The following EPHA4 variants were observed in gnomAD, a reference collection of about 807,000 sequenced individuals.
EPHA4 encodes the protein EPH receptor A4, also known as ephrin type-A receptor 4.
A neutral mutation model predicts 108.3 loss-of-function variants in EPHA4; 19 were observed. The ratio of observed to expected loss-of-function variants is 0.18; its 90% CI spans 0.12 to 0.26. EPHA4 has a LOEUF of 0.26. EPHA4 is among the 10% of genes least tolerant of loss of function. The pLI is 1.00. For synonymous variants in EPHA4, 449 were observed against 455.5 expected, an observed-to-expected ratio of 0.99 and a Z score of 0.18; for missense variants, 917 against 1,254.0, an observed-to-expected ratio of 0.73 and a Z score of 4.06.
At chr2:221,548,590 T>C (rs899090476) in intron 3 of EPHA4, among the ~76,000 whole-genome samples, 2 of 152,066 alleles carry the variant, frequency 1.3e-5, no homozygotes, top group Non-Finnish European at 2.9e-5. Context: ...TCTTTCTTTA[T>C]AGCAATACAA....
In EPHA4 at chr2:221,524,733, C is replaced by T. The variant is rs975115306; in HGVS notation, c.824-23561G>A. On this transcript the variant is annotated intron_variant, in intron 3 of 17. Coordinates refer to ENST00000281821, the MANE Select transcript of EPHA4 (RefSeq NM_004438.5). ...AGATACAACATATAAAAACATCTCA[C>T]GTCTCCATTTACATTACTAAACACC... Among the ~76,000 whole-genome samples, 6 of 152,158 alleles carry T rather than the reference C, an allele frequency of 3.9e-5. No homozygotes were observed. In the East Asian group the frequency reaches 7.7e-4, roughly 20 times the overall value.
chr2:221,572,405 C>A (rs928063202), upstream of EPHA4: 1 of 488,402 alleles, frequency 2.0e-6, no homozygotes, highest in South Asian at 2.2e-5. Flanking sequence ...GCGGCGCAGA[C>A]AGGGCGGCCG....
intron 4 of EPHA4, among the ~76,000 whole-genome samples, chr2:221,495,349 G>A (rs1235192413): frequency 6.6e-6 from 1 of 152,194 alleles, no homozygotes; most frequent in Non-Finnish European, 1.5e-5. Context: ...CCTGACAGCC[G>A]TGGGGCTGGG....
chr2:221,434,973 T>TC, intron 13 of EPHA4, among the ~76,000 whole-genome samples: 1 of 152,340 alleles, frequency 6.6e-6, no homozygotes, highest in South Asian at 2.1e-4. Flanking sequence ...CACTTTTTTT[T>TC]CTGCCTCAAA....
At chr2:221,443,455 A>G in intron 10 of EPHA4, 38 bp downstream of exon 10, 1 of 1,467,810 alleles carries the variant, frequency 6.8e-7, no homozygotes, top group Non-Finnish European at 9.5e-7. Context: ...TCCACCAAGA[A>G]AACAGACTCA....
chr2:221,489,288 G>A (rs939232433), intron 4 of EPHA4, among the ~76,000 whole-genome samples: 1 of 152,202 alleles, frequency 6.6e-6, no homozygotes, highest in Non-Finnish European at 1.5e-5. Flanking sequence ...CTGCCAAAGG[G>A]CTTAAATATA....
At chr2:221,459,032 A>G (rs1489685464) in intron 5 of EPHA4, among the ~76,000 whole-genome samples, 4 of 152,188 alleles carry the variant, frequency 2.6e-5, no homozygotes, top group Non-Finnish European at 5.9e-5. Flanking sequence ...CCCTTTTGCA[A>G]TACATGCGTA....
chr2:221,510,179 T>C (rs1321516478), intron 3 of EPHA4, among the ~76,000 whole-genome samples: 1 of 152,268 alleles, frequency 6.6e-6, no homozygotes, highest in African/African-American at 2.4e-5. Context: ...TCTAAAACAC[T>C]ATGGGATAAC....
At chr2:221,516,307 A>G (rs1156982440) in intron 3 of EPHA4, among the ~76,000 whole-genome samples, 2 of 152,136 alleles carry the variant, frequency 1.3e-5, no homozygotes, top group Non-Finnish European at 2.9e-5. Context: ...TTAATCCTCA[A>G]AAATTCCAAG....
chr2:221,561,506 G>A (rs962092818), intron 3 of EPHA4, among the ~76,000 whole-genome samples: 5 of 152,028 alleles, frequency 3.3e-5, no homozygotes, highest in Admixed American at 6.6e-5. Context: ...TCTCAAAAAC[G>A]ACTCAATCCA....
At chr2:221,498,779 A>AT (rs796093987) in intron 4 of EPHA4, among the ~76,000 whole-genome samples, 2,358 of 120,450 alleles carry the variant, frequency 0.02, 58 homozygotes, top group African/African-American at 0.066. Context: ...AGTCCTGGCT[A>AT]TTTTTTTTTT....
intron 5 of EPHA4, among the ~76,000 whole-genome samples, chr2:221,470,584 T>C (rs1691451116): frequency 2.5e-5 from 2 of 80,360 alleles, no homozygotes; most frequent in Non-Finnish European, 4.9e-5. Flanking sequence ...AACCTCTGCT[T>C]TTCCCTAAAG....
chr2:221,508,481 A>C lies in EPHA4; in HGVS notation c.824-7309T>G, dbSNP rs1486826311. Among the ~76,000 whole-genome samples, 3 of 151,924 alleles carry C rather than the reference A, an allele frequency of 2.0e-5. No homozygotes were observed. In the East Asian group the frequency reaches 5.8e-4, roughly 29 times the overall value. On this transcript the variant is annotated intron_variant, in intron 3 of 17. Coordinates refer to ENST00000281821, the MANE Select transcript of EPHA4 (RefSeq NM_004438.5). ...GTAGTTCCAGCTATTCTGGAGGCTG[A>C]GGCAGGAGAATCACTTGAACCCGGG...
chr2:221,445,048 GTGCCCGGC>G (rs1690550851), intron 9 of EPHA4, among the ~76,000 whole-genome samples: 1 of 152,098 alleles, frequency 6.6e-6, no homozygotes, highest in African/African-American at 2.4e-5. Flanking sequence ...ATAAGCCACT[GTGCCCGGC>G]CAATCTTTCT....
intron 3 of EPHA4, among the ~76,000 whole-genome samples, chr2:221,517,588 A>G (rs1390402734): frequency 6.6e-6 from 1 of 152,124 alleles, no homozygotes; most frequent in Non-Finnish European, 1.5e-5. Context: ...GAGAGTTCCA[A>G]GTAAGTGACA....
chr2:221,442,201 T>C (rs931952073), intron 11 of EPHA4, among the ~76,000 whole-genome samples: 4 of 152,218 alleles, frequency 2.6e-5, no homozygotes, highest in African/African-American at 7.2e-5. Flanking sequence ...AAGTTGGTCT[T>C]AGCCAGCCTT....
chr2:221,570,348 AAAAG>A (rs1271331765), intron 1 of EPHA4, among the ~76,000 whole-genome samples: 12 of 152,226 alleles, frequency 7.9e-5, no homozygotes, highest in African/African-American at 2.4e-4. Flanking sequence ...GGGTTTAAAA[AAAAG>A]AAAGAAAACA....
At chr2:221,534,356 G>C (rs1052052634) in intron 3 of EPHA4, among the ~76,000 whole-genome samples, 12 of 152,084 alleles carry the variant, frequency 7.9e-5, no homozygotes, top group African/African-American at 2.9e-4. Flanking sequence ...GATCTTCTTG[G>C]CTAATCCATA....
chr2:221,428,082 T>C (rs1438909738), intron 15 of EPHA4, among the ~76,000 whole-genome samples: 2 of 152,222 alleles, frequency 1.3e-5, no homozygotes, highest in African/African-American at 2.4e-5. Context: ...ACATAGAATT[T>C]TGGACATTTA....
Sources: gnomAD v4.1 joint callset for allele counts (sites outside exome capture counted in the v4.1 genomes callset) on GRCh38, gnomAD v4.1.1 for gene constraint, MANE v1.5 for transcripts, NCBI Gene and HGNC (gene_info 2026-07-23, HGNC 2026-07-21) for gene names.